The following TMEM71 variants were observed in gnomAD, a reference collection of about 807,000 sequenced individuals.
The protein encoded by TMEM71 is transmembrane protein 71.
TMEM71 carries 44 observed loss-of-function variants against 38.0 expected under a neutral mutation model. That is an observed-to-expected ratio of 1.16 (90% CI 0.91 to 1.49). TMEM71 has a LOEUF of 1.49. TMEM71 is among the 40% of genes most tolerant of loss of function. The pLI, the probability that TMEM71 is intolerant of heterozygous loss-of-function variation, is 0.00. For missense variants in TMEM71, 367 were observed against 348.6 expected, an observed-to-expected ratio of 1.05 and a Z score of -0.42; for synonymous variants, 133 against 122.5, an observed-to-expected ratio of 1.09 and a Z score of -0.56.
chr8:132,747,097 T>A lies in TMEM71; in HGVS notation c.332A>T (p.Lys111Met), dbSNP rs754940297. 6.2e-7 allele frequency: 1 copy of A among 1,604,964 alleles called. No homozygotes were observed. Among genetic ancestry groups the A allele is most frequent in the Non-Finnish European group, 8.5e-7 (1 of 1,177,154 alleles). The change falls in exon 5 of 10, where the codon AAG (lysine) becomes ATG (methionine). Residue 111 changes from lysine to methionine, a missense_variant. By Grantham distance (95) the Lys-to-Met change is moderately conservative (BLOSUM62 -1). Coordinates refer to ENST00000677595, the MANE Select transcript of TMEM71 (RefSeq NM_001382403.1). ...AGAAGAAAAGGAATGGCAGATTCTC[T>A]TTTTCTTTCTAAATATCCTAGAGAG... ...ENLVRIFRKKKRICHSFSSLF... is the reference protein window; with the variant it reads ...ENLVRIFRKKMRICHSFSSLF...
At chr8:132,722,209 C>CAAA (rs34385955) in intron 6 of TMEM71, 94 bp from the exon 7 acceptor site, 59,833 of 617,312 alleles carry the variant, frequency 0.097, 1,378 homozygotes, top group East Asian at 0.28. Flanking sequence ...TTGTACCCAC[C>CAAA]AAAAAAAAAA....
rs1318139884 is a variant in TMEM71 at position 132,754,556 on chromosome 8, T to A, written c.102-2559A>T. Reference sequence around the variant, plus strand: ...CAAATGTGAATCTGTGCAGTAAAGATCAACCAAAATAAACCTCATAGATTT... The same window carrying A: ...CAAATGTGAATCTGTGCAGTAAAGAACAACCAAAATAAACCTCATAGATTT... On this transcript the variant is annotated intron_variant, in intron 3 of 9. Transcript: ENST00000677595. Among the ~76,000 whole-genome samples the A allele has an allele frequency of 5.3e-5, 8 of 152,302 alleles. No individual in the cohort carries two copies. In the South Asian group the frequency reaches 8.3e-4, roughly 16 times the overall value.
At chr8:132,772,061 C>T in the TMEM71 span, among the ~76,000 whole-genome samples, 1 of 152,120 alleles carries the variant, frequency 6.6e-6, no homozygotes, top group East Asian at 1.9e-4. Context: ...ACTTGAACTG[C>T]TTTGATTTTC....
upstream of TMEM71, among the ~76,000 whole-genome samples, chr8:132,764,353 A>G (rs1242398146): frequency 1.3e-5 from 2 of 151,858 alleles, no homozygotes; most frequent in Non-Finnish European, 2.9e-5. Context: ...CCAACATGCC[A>G]AAGTCACTTG....
At chr8:132,751,173 A>G (rs1043856523) in intron 4 of TMEM71, among the ~76,000 whole-genome samples, 1 of 152,066 alleles carries the variant, frequency 6.6e-6, no homozygotes, top group Non-Finnish European at 1.5e-5. Context: ...AACCCCTTTC[A>G]TCCAGCCCCT....
intron 5 of TMEM71, among the ~76,000 whole-genome samples, chr8:132,732,203 G>A (rs1365377579): frequency 6.6e-6 from 1 of 152,188 alleles, no homozygotes; most frequent in Non-Finnish European, 1.5e-5. Flanking sequence ...AAGTTATCCA[G>A]TGGGAATCTA....
the TMEM71 span, among the ~76,000 whole-genome samples, chr8:132,769,110 T>A: frequency 2.0e-5 from 3 of 152,218 alleles, no homozygotes; most frequent in Non-Finnish European, 4.4e-5. Context: ...GGAAAAGAAA[T>A]GGAAGTAGAA....
chr8:132,746,903 A>G, intron 5 of TMEM71, 39 bp downstream of exon 5: 1 of 1,513,620 alleles, frequency 6.6e-7, no homozygotes, highest in Non-Finnish European at 8.8e-7. Flanking sequence ...GCCCACTTGG[A>G]GATAAAATTT....
intron 5 of TMEM71, among the ~76,000 whole-genome samples, chr8:132,743,947 T>C (rs1828194420): frequency 6.6e-6 from 1 of 152,230 alleles, no homozygotes. Context: ...TGTCTAGCAC[T>C]GATCTCCATT....
At chr8:132,740,379 C>T (rs1827972832) in intron 5 of TMEM71, among the ~76,000 whole-genome samples, 1 of 152,190 alleles carries the variant, frequency 6.6e-6, no homozygotes, top group Admixed American at 6.5e-5. Flanking sequence ...TTGCAATCCC[C>T]ATCACTTCCC....
intron 6 of TMEM71, among the ~76,000 whole-genome samples, chr8:132,723,854 A>T (rs1826983788): frequency 6.6e-6 from 1 of 152,114 alleles, no homozygotes; most frequent in Non-Finnish European, 1.5e-5. Context: ...CCAACATTTC[A>T]ACGTAGGTTC....
chr8:132,725,556 A>G (rs10283307), intron 6 of TMEM71, among the ~76,000 whole-genome samples: 26,165 of 152,102 alleles, frequency 0.17, 2,737 homozygotes, highest in East Asian at 0.38. Flanking sequence ...AAAAATCTTC[A>G]ACTGATACAA....
chr8:132,758,147 C>A (rs1414967118), intron 2 of TMEM71: 2 of 152,166 alleles, frequency 1.3e-5, no homozygotes, highest in Admixed American at 6.5e-5. Context: ...TGTGAGTATT[C>A]TTAATTATAG....
intron 7 of TMEM71, among the ~76,000 whole-genome samples, chr8:132,719,620 C>T (rs1826729667): frequency 6.6e-6 from 1 of 152,214 alleles, no homozygotes; most frequent in Non-Finnish European, 1.5e-5. Context: ...TCACCTATCA[C>T]TTACTATGAG....
Position 132,727,888 on chromosome 8 carries a change from G to A in TMEM71, c.586C>T (p.Gln196Ter), listed in dbSNP as rs769535286. The stretch of plus-strand genomic sequence containing the variant: ...CTATGGGAGTTTCCTCCAGGAGGCT[G>A]AGATATGATGTGGCTGGAAGAGGAG... The part of the protein sequence containing the change: ...ITSSSSHIIS[Q>*]PPGGNSHSLS... The change falls in exon 6 of 10, where the codon CAG (glutamine) becomes TAG (stop). Residue 196 changes from glutamine (Q) to a stop codon, truncating the protein, a stop_gained. Transcript: ENST00000677595. LOFTEE classifies it high-confidence loss of function. The A allele has an allele frequency of 6.2e-7, 1 of 1,614,166 alleles. No individual in the cohort carries two copies. Among genetic ancestry groups the A allele is most frequent in the South Asian group, 1.1e-5 (1 of 91,088 alleles).
In TMEM71 at chr8:132,746,388, CAT is replaced by C. The variant is rs1167586608; in HGVS notation, c.487+552_487+553del. ...ACACATATATATACATATATATATA[CAT>C]ATATATATACATATATATATACACA... On this transcript the variant is annotated intron_variant, in intron 5 of 9. Coordinates refer to ENST00000677595, the MANE Select transcript of TMEM71 (RefSeq NM_001382403.1). Among the ~76,000 whole-genome samples, 72 of 18,642 alleles carry C rather than the reference CAT, an allele frequency of 3.9e-3. 1 individual carries two copies. Among genetic ancestry groups the C allele is most frequent in the South Asian group, 6.5e-3 (2 of 306 alleles). 12.2% of individuals were successfully genotyped at this position (18,642 alleles called of 152,430 possible).
intron 5 of TMEM71, among the ~76,000 whole-genome samples, chr8:132,746,259 G>T (rs545656571): frequency 6.7e-6 from 1 of 149,666 alleles, no homozygotes; most frequent in East Asian, 1.9e-4. Flanking sequence ...ATATTTACCT[G>T]TATTAATATT....
At chr8:132,748,294 C>T in intron 4 of TMEM71, among the ~76,000 whole-genome samples, 1 of 152,170 alleles carries the variant, frequency 6.6e-6, no homozygotes, top group African/African-American at 2.4e-5. Context: ...TGGTTCTCAA[C>T]CAGGTTGATT....
intron 3 of TMEM71, among the ~76,000 whole-genome samples, 187 bp from the exon 4 acceptor site, chr8:132,752,184 C>G (rs941455744): frequency 1.3e-5 from 2 of 152,206 alleles, no homozygotes; most frequent in Admixed American, 6.5e-5. Flanking sequence ...CAGCGTTGAA[C>G]TACAGAAACT....
Sources: gnomAD v4.1 joint callset for allele counts (sites outside exome capture counted in the v4.1 genomes callset) on GRCh38, gnomAD v4.1.1 for gene constraint, MANE v1.5 for transcripts, NCBI Gene and HGNC (gene_info 2026-07-23, HGNC 2026-07-21) for gene names.